Variants in PSD3 observed in about 807,000 individuals in gnomAD.
The protein encoded by PSD3 is pleckstrin and Sec7 domain containing 3.
Under a neutral mutation model 105.5 loss-of-function variants are expected in PSD3, and 49 were observed. That is an observed-to-expected ratio of 0.46 (90% CI 0.37 to 0.59). The LOEUF is 0.59. PSD3 is among the 20% of genes least tolerant of loss of function. The pLI is 0.00. For synonymous variants in PSD3, 557 were observed against 457.8 expected (o/e 1.22, Z -2.77); for missense variants, 1,561 against 1,263.8 (o/e 1.24, Z -3.57).
At chr8:18,620,344 T>G (rs969599018) in intron 11 of PSD3, among the ~76,000 whole-genome samples, 1 of 134,184 alleles carries the variant, frequency 7.5e-6, no homozygotes, top group Non-Finnish European at 1.6e-5. Context: ...GGGTTTGTGT[T>G]TTTTTTTTTT....
In PSD3 at chr8:18,807,247, G is replaced by A. The variant is rs79991957; in HGVS notation, c.1635-2349C>T. ...ACTGGCCTTATGCTTCAAGGTCACTGAAAAAGCAGCCAGGGCTCCTGGACA... is the reference window on the plus strand; with the variant it reads ...ACTGGCCTTATGCTTCAAGGTCACTAAAAAAGCAGCCAGGGCTCCTGGACA... On this transcript the variant is annotated intron_variant, in intron 4 of 15. Coordinates refer to ENST00000327040, the MANE Select transcript of PSD3 (RefSeq NM_015310.4). Among the ~76,000 whole-genome samples, 739 of 152,286 alleles carry A rather than the reference G, an allele frequency of 4.9e-3. 9 individuals are homozygous for A. Among genetic ancestry groups the A allele is most frequent in the African/African-American group, 0.017 (717 of 41,556 alleles).
At chr8:18,616,838 T>C (rs1382985300) in intron 11 of PSD3, among the ~76,000 whole-genome samples, 3 of 151,700 alleles carry the variant, frequency 2.0e-5, no homozygotes. Flanking sequence ...TTAGCCGGGA[T>C]GGTCTCGATC....
At chr8:18,874,664 T>C (rs966634866) in intron 2 of PSD3, among the ~76,000 whole-genome samples, 19 of 145,364 alleles carry the variant, frequency 1.3e-4, no homozygotes, top group Admixed American at 7.0e-5. Context: ...GATTGCACCA[T>C]TGTAGTCCAG....
In PSD3 at chr8:18,535,951, C is replaced by T. The variant is rs148881242; in HGVS notation, c.2936G>A (p.Arg979His). The T allele has an allele frequency of 1.2e-6, 2 of 1,613,930 alleles. No individual in the cohort carries two copies. The highest frequency in any genetic ancestry group is 1.7e-6 in the Non-Finnish European group (2 of 1,179,954). ...GAGAATGCTGACATACATTTCATAG[C>T]GGGTTTTCTGAAGGCAAAGCCAGAG... ...KDHYLEFEKT[R>H]YEMYVSILKE... is the part of the protein sequence containing the mutation. The change falls in exon 16 of 16, where the codon CGC becomes CAC. Residue 979 changes from arginine to histidine, a missense_variant. By Grantham distance (29) the Arg-to-His change is conservative. Transcript: ENST00000327040.
At chr8:19,018,588 G>C (rs1012866219), upstream of PSD3, among the ~76,000 whole-genome samples, 1 of 152,214 alleles carries the variant, frequency 6.6e-6, no homozygotes. Context: ...ATGTAGATGT[G>C]TGTGTACATG....
At chr8:18,636,041 C>T (rs920399674) in intron 10 of PSD3, among the ~76,000 whole-genome samples, 1 of 152,004 alleles carries the variant, frequency 6.6e-6, no homozygotes, top group East Asian at 1.9e-4. Context: ...ACATGTATCC[C>T]AGAACTTAAA....
At chr8:18,968,960 G>C (rs1824462270) in intron 1 of PSD3, among the ~76,000 whole-genome samples, 2 of 150,288 alleles carry the variant, frequency 1.3e-5, no homozygotes, top group African/African-American at 4.9e-5. Context: ...TTAAAATGCA[G>C]TGGGGGATAT....
intron 14 of PSD3, among the ~76,000 whole-genome samples, chr8:18,565,993 A>G (rs546119894): frequency 6.6e-6 from 1 of 152,142 alleles, no homozygotes; most frequent in Admixed American, 6.5e-5. Flanking sequence ...GCGCTCGAAT[A>G]TGCCTGGGTT....
intron 2 of PSD3, among the ~76,000 whole-genome samples, chr8:18,891,208 A>G (rs1469173983): frequency 6.6e-6 from 1 of 152,194 alleles, no homozygotes; most frequent in East Asian, 1.9e-4. Flanking sequence ...ATAAATTCCA[A>G]TGGGGCAAAA....
At chr8:18,952,202 C>G (rs976517552) in intron 1 of PSD3, among the ~76,000 whole-genome samples, 3 of 152,134 alleles carry the variant, frequency 2.0e-5, no homozygotes, top group Admixed American at 2.0e-4. Context: ...CCTACTCCTC[C>G]CCTACCCACA....
At position 18,616,038 on chromosome 8, in the gene PSD3, T is replaced by C. The variant is rs188197575; in HGVS notation, c.2411-15604A>G. Among the ~76,000 whole-genome samples, 248 of 152,326 alleles carry C rather than the reference T, an allele frequency of 1.6e-3. 1 individual carries two copies. Among genetic ancestry groups the C allele is most frequent in the African/African-American group, 5.7e-3 (236 of 41,584 alleles). ...CAAGGAATATAACAGCCTCACTTGCTTTTCCCCAACCTAGGAGCTCCAAAA... is the reference window on the plus strand; with the variant it reads ...CAAGGAATATAACAGCCTCACTTGCCTTTCCCCAACCTAGGAGCTCCAAAA... On this transcript the variant is annotated intron_variant, in intron 11 of 15. Coordinates refer to ENST00000327040, the MANE Select transcript of PSD3 (RefSeq NM_015310.4).
intron 1 of PSD3, among the ~76,000 whole-genome samples, chr8:18,941,096 G>C (rs529581933): frequency 3.9e-5 from 6 of 152,134 alleles, no homozygotes; most frequent in Non-Finnish European, 7.3e-5. Flanking sequence ...TCAGATTAAT[G>C]ACAGACCCAC....
At chr8:18,897,205 T>C (rs922251181) in intron 2 of PSD3, among the ~76,000 whole-genome samples, 1 of 152,192 alleles carries the variant, frequency 6.6e-6, no homozygotes, top group African/African-American at 2.4e-5. Context: ...TATTTTTTCA[T>C]ATACCTGTTG....
At chr8:18,955,174 G>A (rs1024278957) in intron 1 of PSD3, among the ~76,000 whole-genome samples, 10 of 152,220 alleles carry the variant, frequency 6.6e-5, no homozygotes, top group Middle Eastern at 6.8e-3. Flanking sequence ...AGATTCCCCC[G>A]GCATCTCCTT....
chr8:18,919,198 G>C (rs1313058709), intron 2 of PSD3, among the ~76,000 whole-genome samples: 2 of 152,076 alleles, frequency 1.3e-5, no homozygotes, highest in Non-Finnish European at 2.9e-5. Context: ...GCTTCTTCTA[G>C]CAGTGTTTGT....
At chr8:18,676,474 A>C (rs1429861009) in intron 9 of PSD3, among the ~76,000 whole-genome samples, 2 of 152,320 alleles carry the variant, frequency 1.3e-5, no homozygotes, top group East Asian at 1.9e-4. Context: ...CACAAAGAAA[A>C]GAGCCATTCT....
chr8:18,747,127 C>G (rs75677195), intron 9 of PSD3, among the ~76,000 whole-genome samples: 2,442 of 152,228 alleles, frequency 0.016, 67 homozygotes, highest in African/African-American at 0.055. Context: ...TAAATAATGC[C>G]CCCACATCTT....
intron 4 of PSD3, among the ~76,000 whole-genome samples, chr8:18,844,906 T>G (rs577601508): frequency 6.5e-4 from 99 of 152,322 alleles, no homozygotes; most frequent in African/African-American, 2.3e-3. Context: ...AAGTGTTTCA[T>G]ACAAAGCTGG....
intron 2 of PSD3, among the ~76,000 whole-genome samples, chr8:18,903,177 A>C (rs1364964611): frequency 6.6e-6 from 1 of 152,112 alleles, no homozygotes; most frequent in Non-Finnish European, 1.5e-5. Flanking sequence ...TTTAGGGTAT[A>C]CAGTGAAGCA....
Sources: allele counts gnomAD v4.1 joint callset (sites outside exome capture counted in the v4.1 genomes callset), GRCh38; gene constraint gnomAD v4.1.1; transcripts MANE v1.5; gene names NCBI Gene and HGNC (gene_info 2026-07-23, HGNC 2026-07-21).